DLG2: variants seen among roughly 807,000 people sequenced by gnomAD.
DLG2 encodes discs large MAGUK scaffold protein 2.
Under a neutral mutation model 132.5 loss-of-function variants are expected in DLG2, and 45 were observed. That is an observed-to-expected ratio of 0.34 (90% CI 0.27 to 0.44). DLG2 has a LOEUF of 0.44. DLG2 is among the 20% of genes least tolerant of loss of function. The pLI is 1.00. For missense variants in DLG2, 1,045 were observed against 1,196.9 expected (o/e 0.87, Z 1.87); for synonymous variants, 424 against 419.6 (o/e 1.01, Z -0.13).
intron 5 of DLG2, among the ~76,000 whole-genome samples, chr11:85,122,978 T>TATATATATATATATATATA (rs61472098): frequency 4.2e-5 from 2 of 47,352 alleles, no homozygotes; most frequent in African/African-American, 2.2e-4. Context: ...TATTTTTTTT[T>TATATATATATATATATATA]TTTTTTTTTT....
At chr11:84,229,314 A>G (rs1362384406) in intron 8 of DLG2, among the ~76,000 whole-genome samples, 1 of 152,172 alleles carries the variant, frequency 6.6e-6, no homozygotes, top group Non-Finnish European at 1.5e-5. Flanking sequence ...CCTGCTTCCA[A>G]ATTTTTTCCA....
chr11:84,977,389 C>G (rs563543284), intron 6 of DLG2, among the ~76,000 whole-genome samples: 4 of 152,174 alleles, frequency 2.6e-5, no homozygotes, highest in African/African-American at 9.6e-5. Flanking sequence ...CCTTCATGAC[C>G]CCTTTGAGCT....
At chr11:85,262,987 C>T (rs1349041889) in intron 4 of DLG2, among the ~76,000 whole-genome samples, 2 of 152,168 alleles carry the variant, frequency 1.3e-5, no homozygotes, top group Non-Finnish European at 2.9e-5. Flanking sequence ...AATGGAAGGG[C>T]TTTGTCCCAT....
intron 11 of DLG2, among the ~76,000 whole-genome samples, chr11:84,035,045 T>A (rs1246837713): frequency 2.0e-5 from 3 of 152,094 alleles, no homozygotes; most frequent in Non-Finnish European, 2.9e-5. Flanking sequence ...CAACCTCTGC[T>A]TGAACCCTTC....
intron 7 of DLG2, among the ~76,000 whole-genome samples, chr11:84,498,636 G>T (rs915129715): frequency 1.3e-5 from 2 of 152,070 alleles, no homozygotes; most frequent in African/African-American, 4.8e-5. Context: ...GTAATCTTGT[G>T]CCAAAAGAAA....
chr11:85,221,339 G>A (rs2074632682), intron 4 of DLG2, among the ~76,000 whole-genome samples: 1 of 152,048 alleles, frequency 6.6e-6, no homozygotes, highest in Non-Finnish European at 1.5e-5. Flanking sequence ...TTACAGACAT[G>A]AGCCACCGCT....
chr11:85,614,055 G>A (rs1462287458), intron 2 of DLG2, among the ~76,000 whole-genome samples: 3 of 152,108 alleles, frequency 2.0e-5, no homozygotes, highest in Non-Finnish European at 4.4e-5. Flanking sequence ...AAGAAACTCT[G>A]GACACATCCA....
At chr11:83,881,924 T>C (rs942639606) in intron 15 of DLG2, among the ~76,000 whole-genome samples, 1 of 152,206 alleles carries the variant, frequency 6.6e-6, no homozygotes, top group Non-Finnish European at 1.5e-5. Context: ...AAAAAGTATG[T>C]ATTAATAGTT....
At chr11:84,316,918 A>C in intron 7 of DLG2, 1 of 1,612,738 alleles carries the variant, frequency 6.2e-7, no homozygotes, top group Non-Finnish European at 8.5e-7. Context: ...TTTTCCGCAC[A>C]CTGTCCCACA....
intron 6 of DLG2, among the ~76,000 whole-genome samples, chr11:84,632,864 G>A (rs894089459): frequency 1.3e-5 from 2 of 152,092 alleles, no homozygotes; most frequent in Non-Finnish European, 2.9e-5. Context: ...TTTACTGCAC[G>A]CAAGCTCCTG....
At chr11:84,128,549 G>C (rs1010442640) in intron 9 of DLG2, among the ~76,000 whole-genome samples, 1 of 152,052 alleles carries the variant, frequency 6.6e-6, no homozygotes, top group Non-Finnish European at 1.5e-5. Context: ...AATAATATAT[G>C]TATGACTGGG....
intron 6 of DLG2, among the ~76,000 whole-genome samples, chr11:84,560,445 G>T (rs181132083): frequency 6.6e-6 from 1 of 152,180 alleles, no homozygotes; most frequent in East Asian, 1.9e-4. Context: ...GCTGTTAATT[G>T]GAAGTAGAAG....
At chr11:85,008,173 C>T (rs1044012070) in intron 6 of DLG2, among the ~76,000 whole-genome samples, 2 of 152,058 alleles carry the variant, frequency 1.3e-5, no homozygotes, top group African/African-American at 4.8e-5. Context: ...GTATATAAAA[C>T]TTTTCATTTT....
intron 6 of DLG2, among the ~76,000 whole-genome samples, chr11:84,741,056 CTTTT>C (rs1163275954): frequency 1.1e-3 from 86 of 79,324 alleles, no homozygotes; most frequent in African/African-American, 4.6e-3. Context: ...TGCCTATGCT[CTTTT>C]TTTTTTTTTT....
chr11:83,597,215 C>T (rs146899621), intron 19 of DLG2, among the ~76,000 whole-genome samples: 152 of 152,144 alleles, frequency 1.0e-3, no homozygotes, highest in Non-Finnish European at 1.4e-3. Context: ...GTCTCATGAG[C>T]GGGATCAAGA....
intron 9 of DLG2, among the ~76,000 whole-genome samples, chr11:84,141,784 T>C (rs2094859447): frequency 6.6e-6 from 1 of 152,138 alleles, no homozygotes; most frequent in Non-Finnish European, 1.5e-5. Flanking sequence ...TTTTAGTTCA[T>C]AGGTTTGTAT....
intron 3 of DLG2, among the ~76,000 whole-genome samples, chr11:85,376,403 A>C (rs2152924330): frequency 1.3e-5 from 2 of 152,326 alleles, no homozygotes; most frequent in South Asian, 4.1e-4. Context: ...AAAGAGGCTA[A>C]GAGGACTCTC....
intron 6 of DLG2, among the ~76,000 whole-genome samples, chr11:84,964,591 C>T (rs1057070641): frequency 6.6e-6 from 1 of 152,080 alleles, no homozygotes; most frequent in Non-Finnish European, 1.5e-5. Flanking sequence ...AAGACAACAT[C>T]CCTCTGCCGT....
In DLG2 at chr11:84,603,849, C is replaced by T. The variant is rs547123183; in HGVS notation, c.358-69118G>A. On this transcript the variant is annotated intron_variant, in intron 6 of 27. Coordinates refer to ENST00000376104, the MANE Select transcript of DLG2 (RefSeq NM_001142699.3). ...ATGAACTCAGTGGCTTCAGCCTCTG[C>T]TCCCATGGAGCTTATATTCTAGTAG... Among the ~76,000 whole-genome samples the T allele has an allele frequency of 2.6e-5, 4 of 152,074 alleles. No individual in the cohort carries two copies. The South Asian group carries it at 6.2e-4, about 24-fold the overall frequency.
Sources: gnomAD v4.1 joint callset for allele counts (sites outside exome capture counted in the v4.1 genomes callset) on GRCh38, gnomAD v4.1.1 for gene constraint, MANE v1.5 for transcripts, NCBI Gene and HGNC (gene_info 2026-07-23, HGNC 2026-07-21) for gene names.